The following CLBA1 variants were observed in gnomAD, a reference collection of about 807,000 sequenced individuals.
The protein encoded by CLBA1 is clathrin binding box of aftiphilin containing 1, also known as uncharacterized protein CLBA1.
Under a neutral mutation model 28.8 loss-of-function variants are expected in CLBA1, and 30 were observed. That is an observed-to-expected ratio of 1.04 (90% CI 0.78 to 1.41). The LOEUF (loss-of-function observed/expected upper bound fraction) is 1.41, where lower values mean the gene tolerates loss of function less well. Ranked by LOEUF, CLBA1 falls within the 40% of genes most tolerant of loss-of-function variation. CLBA1 has a pLI of 0.00. For synonymous variants in CLBA1, 160 were observed against 152.8 expected, an observed-to-expected ratio of 1.05 and a Z score of -0.35; for missense variants, 451 against 412.3, an observed-to-expected ratio of 1.09 and a Z score of -0.81.
Position 104,991,492 on chromosome 14 carries a change from A to G in CLBA1, c.571A>G (p.Asn191Asp). The G allele has an allele frequency of 6.2e-7, 1 of 1,613,754 alleles. No homozygotes were observed. The highest frequency in any genetic ancestry group is 8.5e-7 in the Non-Finnish European group (1 of 1,179,730). Residue 191 changes from asparagine (N) to aspartate (D), a missense_variant and splice_region_variant, in exon 3 of 5, where the codon AAC (asparagine) becomes GAC (aspartate). Transcript: ENST00000547315. ...PGVERVHKLC[N>D]ESRKLWRALQ... ...TTAACAAGTGCATCTGTTTTCCAGT[A>G]ACGAATCCAGAAAACTCTGGAGAGC... is the stretch of plus-strand genomic sequence containing the variant.
intron 4 of CLBA1, 198 bp from the exon 5 acceptor site, chr14:104,994,400 T>A (rs1316106920): frequency 5.1e-6 from 5 of 985,324 alleles, no homozygotes; most frequent in Non-Finnish European, 6.0e-6. Context: ...AGCCACAGAC[T>A]GCACCATGAG....
At chr14:104,996,314 C>T (rs1900154262), downstream of CLBA1, among the ~76,000 whole-genome samples, 1 of 152,196 alleles carries the variant, frequency 6.6e-6, no homozygotes, top group Non-Finnish European at 1.5e-5. Context: ...AAGGAGGGAC[C>T]AGGCGACGTA....
At chr14:104,995,543 G>C, downstream of CLBA1, 1 of 977,198 alleles carries the variant, frequency 1.0e-6, no homozygotes, top group Non-Finnish European at 1.2e-6. Flanking sequence ...TCATCAGCTG[G>C]GGGGACTGAT....
intron 3 of CLBA1, among the ~76,000 whole-genome samples, chr14:104,991,925 G>A (rs951435095): frequency 2.6e-5 from 4 of 151,600 alleles, no homozygotes; most frequent in Non-Finnish European, 4.4e-5. Flanking sequence ...CACTGCCGCC[G>A]CCACGCACAT....
At chr14:104,994,277 T>G in intron 4 of CLBA1, 1 of 985,288 alleles carries the variant, frequency 1.0e-6, no homozygotes. Context: ...GGGCTGTGAG[T>G]GTGCAGGGTA....
chr14:104,994,424 G>A, intron 4 of CLBA1, 174 bp from the exon 5 acceptor site: 1 of 985,488 alleles, frequency 1.0e-6, no homozygotes, highest in Non-Finnish European at 1.2e-6. Flanking sequence ...GCCCCAGCAT[G>A]TTTTCCCTGG....
intron 1 of CLBA1, among the ~76,000 whole-genome samples, chr14:104,988,356 G>A (rs1459507293): frequency 7.0e-6 from 1 of 142,990 alleles, no homozygotes; most frequent in Non-Finnish European, 1.5e-5. Context: ...TTTTTGAGAC[G>A]GAGTCTCTCT....
At chr14:104,989,476 G>T (rs893507048) in intron 2 of CLBA1, 6 of 416,700 alleles carry the variant, frequency 1.4e-5, no homozygotes, top group Admixed American at 5.1e-5. Context: ...CTGCCTCATG[G>T]TTCTCAGCCA....
At chr14:104,992,258 G>A (rs8009916) in intron 3 of CLBA1, among the ~76,000 whole-genome samples, 6,589 of 151,866 alleles carry the variant, frequency 0.043, 422 homozygotes, top group African/African-American at 0.14. Context: ...CACCACACAC[G>A]CCACCACATG....
At chr14:104,987,851 G>T (rs1409443946) in intron 1 of CLBA1, among the ~76,000 whole-genome samples, 1 of 151,010 alleles carries the variant, frequency 6.6e-6, no homozygotes, top group Non-Finnish European at 1.5e-5. Flanking sequence ...TTGCCAGGCT[G>T]GTCTTGAACT....
At chr14:104,987,414 G>C (rs1446221524) in intron 1 of CLBA1, among the ~76,000 whole-genome samples, 1 of 152,116 alleles carries the variant, frequency 6.6e-6, no homozygotes, top group African/African-American at 2.4e-5. Flanking sequence ...CAGACTGTGG[G>C]TGTTTACCGT....
intron 3 of CLBA1, 21 bp from the exon 4 acceptor site, chr14:104,992,927 T>TA (rs1385898147): frequency 1.3e-6 from 2 of 1,556,242 alleles, no homozygotes; most frequent in South Asian, 2.2e-5. Context: ...ACCGGCTGTC[T>TA]GATGGGGTCT....
intron 4 of CLBA1, chr14:104,993,933 T>G: frequency 1.0e-6 from 1 of 985,376 alleles, no homozygotes; most frequent in Non-Finnish European, 1.2e-6. Context: ...GCAGGAAGGT[T>G]GCATAGCACA....
chr14:104,987,803 A>G (rs1899909659), intron 1 of CLBA1, among the ~76,000 whole-genome samples: 2 of 149,938 alleles, frequency 1.3e-5, no homozygotes, highest in African/African-American at 2.4e-5. Flanking sequence ...ATATATATAT[A>G]TATATGTATG....
intron 2 of CLBA1, among the ~76,000 whole-genome samples, chr14:105,001,216 C>T (rs1372758994): frequency 6.6e-6 from 1 of 152,220 alleles, no homozygotes; most frequent in Non-Finnish European, 1.5e-5. Context: ...GTCAAACTCG[C>T]CAGGTGTGGT....
downstream of CLBA1, among the ~76,000 whole-genome samples, chr14:104,996,023 A>G (rs1423078361): frequency 6.6e-6 from 1 of 152,152 alleles, no homozygotes; most frequent in Non-Finnish European, 1.5e-5. Context: ...TAACAAGCCA[A>G]AATACTCCAT....
chr14:104,993,719 A>T, intron 4 of CLBA1: 1 of 985,452 alleles, frequency 1.0e-6, no homozygotes, highest in Non-Finnish European at 1.2e-6. Flanking sequence ...TGAGATGGCC[A>T]GGCCTAGCTC....
chr14:104,999,307 G>A (rs1900223586), downstream of CLBA1: 1 of 900,972 alleles, frequency 1.1e-6, no homozygotes, highest in African/African-American at 1.8e-5. Context: ...CTCTCTCCAA[G>A]CAGATAACTG....
At chr14:104,995,655 T>C (rs1224072030), downstream of CLBA1, 2 of 235,170 alleles carry the variant, frequency 8.5e-6, no homozygotes, top group Admixed American at 6.5e-5. Context: ...ATAGCCTCCA[T>C]GTCACTGTGG....
Sources: allele counts gnomAD v4.1 joint callset (sites outside exome capture counted in the v4.1 genomes callset), GRCh38; gene constraint gnomAD v4.1.1; transcripts MANE v1.5; gene names NCBI Gene and HGNC (gene_info 2026-07-23, HGNC 2026-07-21).